Variants in RAB36 observed in about 807,000 individuals in gnomAD.
RAB36 encodes the protein RAB36, member RAS oncogene family, also known as ras-related protein Rab-36.
In RAB36, 33 loss-of-function variants were observed where a neutral mutation model predicts 39.3. The observed-to-expected ratio is 0.84, with a 90% CI of 0.64 to 1.12. RAB36 has a LOEUF of 1.12. Ranked by LOEUF, RAB36 falls within the 50% of genes most tolerant of loss-of-function variation. The probability of loss-of-function intolerance (pLI) is 0.00; values close to 1 mark genes in which losing one functional copy is unlikely to be tolerated. For missense variants in RAB36, 308 were observed against 355.3 expected (o/e 0.87, Z 1.07); for synonymous variants, 133 against 140.2 (o/e 0.95, Z 0.36).
At chr22:23,150,001 G>A in intron 2 of RAB36, 62 bp from the exon 3 acceptor site, 3 of 1,322,902 alleles carry the variant, frequency 2.3e-6, no homozygotes, top group South Asian at 2.5e-5. Context: ...CTCACTGCTT[G>A]GCTACGAGGG....
At position 23,164,689 on chromosome 22, in the gene RAB36, G is replaced by A. The variant is rs889049611; in HGVS notation, c.*3125G>A. Among the ~76,000 whole-genome samples, 3 of 152,158 alleles carry A rather than the reference G, an allele frequency of 2.0e-5. No individual in the cohort carries two copies. Among genetic ancestry groups the A allele is most frequent in the African/African-American group, 4.8e-5 (2 of 41,436 alleles). ...GTGCGGCAATGACCACAGTGACCGC[G>A]TCCAAGTGCTGCCGAAACGCCTTTT... On this transcript the variant is annotated 3_prime_UTR_variant, in exon 11 of 11. Coordinates refer to ENST00000263116, the MANE Select transcript of RAB36 (RefSeq NM_004914.5).
In RAB36 at chr22:23,153,021, C is replaced by T; in HGVS notation, c.228-12C>T. ...GAGTACACCCCTGTGACGACTTCCT[C>T]ATCCCCCACAGGTTTTGCAAGAATG... On this transcript the variant is annotated splice_polypyrimidine_tract_variant and intron_variant, in intron 4 of 10. Transcript: ENST00000263116. The T allele has an allele frequency of 2.5e-6, 4 of 1,602,272 alleles. No homozygotes were observed. Among genetic ancestry groups the T allele is most frequent in the Non-Finnish European group, 2.6e-6 (3 of 1,169,324 alleles).
At chr22:23,153,914 C>G (rs533683923) in intron 5 of RAB36, among the ~76,000 whole-genome samples, 1 of 152,204 alleles carries the variant, frequency 6.6e-6, no homozygotes, top group East Asian at 1.9e-4. Flanking sequence ...ATCTCGAACT[C>G]CTGACCTCAA....
Position 23,153,128 on chromosome 22 carries a change from T to TTC in RAB36, c.323_324insTC (p.Gln109ProfsTer25). The TTC allele has an allele frequency of 1.2e-6, 2 of 1,613,392 alleles. No individual in the cohort carries two copies. Among genetic ancestry groups the TTC allele is most frequent in the Non-Finnish European group, 1.7e-6 (2 of 1,179,512 alleles). ...GAGATTGCTGGGATTCCCTATAGCCTCCAGATGTAAGTTGCTGGTTCCCCC... is the reference window on the plus strand; with the variant it reads ...GAGATTGCTGGGATTCCCTATAGCCTTCCCAGATGTAAGTTGCTGGTTCCCCC... On this transcript the variant is annotated frameshift_variant, in exon 5 of 11. Coordinates refer to ENST00000263116, the MANE Select transcript of RAB36 (RefSeq NM_004914.5). LOFTEE classifies it high-confidence loss of function.
intron 2 of RAB36, 74 bp downstream of exon 2, chr22:23,146,759 C>T: frequency 1.3e-6 from 2 of 1,562,138 alleles, no homozygotes; most frequent in Non-Finnish European, 1.7e-6. Flanking sequence ...TACACTCATG[C>T]CTAGAAGTAA....
intron 8 of RAB36, 85 bp from the exon 9 acceptor site, chr22:23,159,078 A>G: frequency 5.1e-6 from 8 of 1,584,084 alleles, no homozygotes; most frequent in Non-Finnish European, 6.9e-6. Context: ...GAGGCAGCAC[A>G]GTGGGAAGCA....
chr22:23,160,649 G>A (rs924430858), intron 9 of RAB36, among the ~76,000 whole-genome samples: 2 of 152,152 alleles, frequency 1.3e-5, no homozygotes, highest in African/African-American at 4.8e-5. Flanking sequence ...GGTGGGAGTT[G>A]GGAGGCTGGA....
chr22:23,155,454 C>T (rs2071398308), intron 5 of RAB36, among the ~76,000 whole-genome samples: 1 of 152,190 alleles, frequency 6.6e-6, no homozygotes, highest in South Asian at 2.1e-4. Context: ...CTGCTGAGAC[C>T]CACCTATTGC....
Position 23,146,654 on chromosome 22 carries a change from G to T in RAB36, c.38G>T (p.Ser13Ile), listed in dbSNP as rs867580501. 6 of 1,614,096 alleles carry T rather than the reference G, an allele frequency of 3.7e-6. No individual in the cohort carries two copies. The South Asian group carries it at 5.5e-5, about 15-fold the overall frequency. Residue 13 changes from serine (S) to isoleucine (I), a missense_variant, in exon 2 of 11, where the codon AGC becomes ATC. Ser to Ile is a moderately radical substitution (Grantham distance 142, BLOSUM62 -2). Coordinates refer to ENST00000263116, the MANE Select transcript of RAB36 (RefSeq NM_004914.5). The part of the protein sequence containing the change: ...SSLTPLGPPV[S>I]RDRVIASFPK... ...CTGACACCTTTGGGGCCCCCTGTGA[G>T]CCGCGACCGTGTCATCGCCAGCTTC...
In RAB36 at chr22:23,146,644, C is replaced by A; in HGVS notation, c.28C>A (p.Pro10Thr). 1 of 1,613,736 alleles carries A rather than the reference C, an allele frequency of 6.2e-7. No individual in the cohort carries two copies. The highest frequency in any genetic ancestry group is 8.5e-7 in the Non-Finnish European group (1 of 1,179,780). The change falls in exon 2 of 11, where the codon CCC becomes ACC. Residue 10 changes from proline (P) to threonine (T), a missense_variant. Transcript: ENST00000263116. MRSSLTPLG[P>T]PVSRDRVIAS... ...GAGGTCCTCCCTGACACCTTTGGGG[C>A]CCCCTGTGAGCCGCGACCGTGTCAT...
At chr22:23,148,464 C>T (rs539518141) in intron 2 of RAB36, among the ~76,000 whole-genome samples, 100 of 152,308 alleles carry the variant, frequency 6.6e-4, no homozygotes, top group African/African-American at 2.2e-3. Flanking sequence ...ACAGCTGCTC[C>T]TGGTACCTCT....
chr22:23,147,436 C>T (rs1404309617), intron 2 of RAB36, among the ~76,000 whole-genome samples: 1 of 151,986 alleles, frequency 6.6e-6, no homozygotes, highest in Non-Finnish European at 1.5e-5. Context: ...CTGAAGCAAT[C>T]CTTCTGCCTC....
rs2071829834 is a variant in RAB36, at chr22:23,161,908, G to A, written c.*344G>A. 3.3e-6 allele frequency: 1 copy of A among 300,920 alleles called. No homozygotes were observed. 18.6% of individuals were successfully genotyped at this position (300,920 alleles called of 1,614,324 possible). A position where few individuals can be genotyped will look rare whatever the true frequency, so the allele number is the denominator to read the frequency against. On this transcript the variant is annotated 3_prime_UTR_variant, in exon 11 of 11. Transcript: ENST00000263116. ...CCTCAGAACTGCAAACTCCTGCGTC[G>A]GTCTATACTACTCGGCCATGGCCCA... is the stretch of plus-strand genomic sequence containing the variant.
At chr22:23,158,787 G>A in intron 7 of RAB36, 111 bp from the exon 8 acceptor site, 1 of 945,684 alleles carries the variant, frequency 1.1e-6, no homozygotes, top group Non-Finnish European at 1.7e-6. Context: ...AGCCCTCCTT[G>A]TCCCTCCCAG....
chr22:23,165,796 G>A (rs1255359867), downstream of RAB36, among the ~76,000 whole-genome samples: 1 of 152,100 alleles, frequency 6.6e-6, no homozygotes, highest in Non-Finnish European at 1.5e-5. Flanking sequence ...TGCTTGGCAG[G>A]GCCTTGCCAC....
chr22:23,145,963 G>A (rs893424491), intron 1 of RAB36: 2 of 985,238 alleles, frequency 2.0e-6, no homozygotes, highest in Non-Finnish European at 2.4e-6. Flanking sequence ...TTGCAGACTG[G>A]GAGCAGGAGA....
At chr22:23,158,669 G>A (rs1420737851) in intron 7 of RAB36, among the ~76,000 whole-genome samples, 3 of 152,142 alleles carry the variant, frequency 2.0e-5, no homozygotes, top group African/African-American at 7.2e-5. Context: ...GGCCAGGAGG[G>A]GTCTTCACCA....
rs1409158802 is a variant in RAB36 at position 23,160,864 on chromosome 22, C to T, written c.620-15C>T. On this transcript the variant is annotated splice_polypyrimidine_tract_variant and intron_variant, in intron 9 of 10. Coordinates refer to ENST00000263116, the MANE Select transcript of RAB36 (RefSeq NM_004914.5). ...GAAACACTGATGAGGTCCCGGCTGTCTTGTGGGCCCACAGGCGAGAACGTG... is the reference window on the plus strand; with the variant it reads ...GAAACACTGATGAGGTCCCGGCTGTTTTGTGGGCCCACAGGCGAGAACGTG... 1 of 1,611,458 alleles carries T rather than the reference C, an allele frequency of 6.2e-7. No individual in the cohort carries two copies. The highest frequency in any genetic ancestry group is 8.5e-7 in the Non-Finnish European group (1 of 1,178,502).
intron 5 of RAB36, chr22:23,153,692 CTTTTT>C (rs66463289): frequency 9.8e-4 from 269 of 273,160 alleles, no homozygotes; most frequent in South Asian, 1.8e-3. Flanking sequence ...CCACTTCTGT[CTTTTT>C]TTTTTTTTTT....
Sources: allele counts gnomAD v4.1 joint callset (sites outside exome capture counted in the v4.1 genomes callset), GRCh38; gene constraint gnomAD v4.1.1; transcripts MANE v1.5; gene names NCBI Gene and HGNC (gene_info 2026-07-23, HGNC 2026-07-21).